ATG10: variants seen among roughly 807,000 people sequenced by gnomAD.
ATG10 encodes the protein autophagy related 10, also known as ubiquitin-like-conjugating enzyme ATG10.
In ATG10, 30 loss-of-function variants were observed where a neutral mutation model predicts 32.1. The ratio of observed to expected loss-of-function variants is 0.94; its 90% CI spans 0.70 to 1.27. The LOEUF (loss-of-function observed/expected upper bound fraction) is 1.27, where lower values mean the gene tolerates loss of function less well. Among genes scored for constraint, ATG10 ranks in the 50% most tolerant of loss-of-function variants. ATG10 has a pLI of 0.00. For missense variants in ATG10, 233 were observed against 262.3 expected (o/e 0.89, Z 0.77); for synonymous variants, 87 against 91.5 (o/e 0.95, Z 0.28).
intron 2 of ATG10, among the ~76,000 whole-genome samples, chr5:82,017,764 A>T (rs1762329142): frequency 6.6e-6 from 1 of 152,112 alleles, no homozygotes; most frequent in Admixed American, 6.6e-5. Context: ...CTCACAGGTA[A>T]ATTATTTGAT....
intron 3 of ATG10, among the ~76,000 whole-genome samples, chr5:82,075,936 A>G (rs12108833): frequency 0.19 from 29,421 of 152,086 alleles, 3,220 homozygotes; most frequent in Middle Eastern, 0.29. Context: ...CTCCATGTCC[A>G]ACAATAACAA....
At chr5:82,170,762 A>G (rs958927699) in intron 4 of ATG10, among the ~76,000 whole-genome samples, 2 of 152,082 alleles carry the variant, frequency 1.3e-5, no homozygotes, top group African/African-American at 4.8e-5. Context: ...CCTGGCCAAC[A>G]TGGTGAAACC....
chr5:82,048,344 C>A (rs1165133926), intron 2 of ATG10, among the ~76,000 whole-genome samples: 1 of 146,928 alleles, frequency 6.8e-6, no homozygotes, highest in Non-Finnish European at 1.5e-5. Context: ...TTCTTCCTAC[C>A]CATGAGCATG....
At position 82,180,399 on chromosome 5, in the gene ATG10, C is replaced by G. The variant is rs370869576; in HGVS notation, c.453+1812C>G. Among the ~76,000 whole-genome samples the G allele has an allele frequency of 3.7e-4, 56 of 152,260 alleles. No homozygotes were observed. In the South Asian group the frequency reaches 0.012, roughly 32 times the overall value. On this transcript the variant is annotated intron_variant, in intron 5 of 7. Coordinates refer to ENST00000282185, the MANE Select transcript of ATG10 (RefSeq NM_031482.5). ...AAACCACTTCAACTCACAAAAATTG[C>G]CCCTCTGAAATCCAAATCTGTAGAC...
intron 2 of ATG10, among the ~76,000 whole-genome samples, chr5:82,056,713 GT>G (rs1223995903): frequency 2.0e-5 from 3 of 152,156 alleles, no homozygotes; most frequent in Non-Finnish European, 4.4e-5. Flanking sequence ...GCTGTAATTA[GT>G]GTAACAGTAG....
chr5:82,162,555 A>G (rs1439948601), intron 3 of ATG10, among the ~76,000 whole-genome samples: 1 of 152,178 alleles, frequency 6.6e-6, no homozygotes, highest in East Asian at 1.9e-4. Flanking sequence ...TCTGCACCAT[A>G]GAAAAAATAG....
At chr5:82,210,363 G>A (rs1033344642) in intron 5 of ATG10, among the ~76,000 whole-genome samples, 3 of 152,186 alleles carry the variant, frequency 2.0e-5, no homozygotes, top group Non-Finnish European at 4.4e-5. Flanking sequence ...GCCAAGGATT[G>A]AGATGTTTCC....
At chr5:82,178,030 C>T (rs187633180) in intron 4 of ATG10, among the ~76,000 whole-genome samples, 13 of 152,154 alleles carry the variant, frequency 8.5e-5, no homozygotes, top group South Asian at 2.1e-4. Context: ...TCCATGGTAC[C>T]TGATGGAGTG....
chr5:82,007,780 A>C (rs1251683889), intron 2 of ATG10, among the ~76,000 whole-genome samples: 1 of 152,076 alleles, frequency 6.6e-6, no homozygotes, highest in Middle Eastern at 3.2e-3. Context: ...AAATACAATT[A>C]CTTTACTTTG....
intron 5 of ATG10, among the ~76,000 whole-genome samples, chr5:82,221,333 T>G (rs1561364668): frequency 6.6e-6 from 1 of 152,188 alleles, no homozygotes; most frequent in Non-Finnish European, 1.5e-5. Flanking sequence ...TGTTTTGTTT[T>G]GGGAAACATT....
rs1181606605 is a variant in ATG10 at position 82,084,283 on chromosome 5, A to G, written c.216+25681A>G. Among the ~76,000 whole-genome samples, 10 of 152,178 alleles carry G rather than the reference A, an allele frequency of 6.6e-5. 1 individual carries two copies. The highest frequency in any genetic ancestry group is 6.5e-4 in the Admixed American group (10 of 15,274). On this transcript the variant is annotated intron_variant, in intron 3 of 7. Transcript: ENST00000282185. ...GAAGCAAGAAGAGAAGTTTAGAGTAAAAAGAGTAAAAAGAAACAAACAAAG... is the reference window on the plus strand; with the variant it reads ...GAAGCAAGAAGAGAAGTTTAGAGTAGAAAGAGTAAAAAGAAACAAACAAAG...
rs556441613 is a variant in ATG10 at position 82,015,611 on chromosome 5, G to C, written c.108+27933G>C. 4.7e-4 allele frequency among the ~76,000 whole-genome samples: 72 copies of C among 152,166 alleles called. 1 individual carries two copies. The South Asian group carries it at 0.012, about 26-fold the overall frequency. On this transcript the variant is annotated intron_variant, in intron 2 of 7. Coordinates refer to ENST00000282185, the MANE Select transcript of ATG10 (RefSeq NM_031482.5). ...ATCACTGATACCCTTTCTTCCAGTT[G>C]ATCGAATCAGCTACTGAAGCTTGTG...
chr5:81,994,582 G>C (rs1425918209), intron 2 of ATG10, among the ~76,000 whole-genome samples: 3 of 152,180 alleles, frequency 2.0e-5, no homozygotes, highest in Non-Finnish European at 1.5e-5. Flanking sequence ...GGATCCAAAT[G>C]CAATTCTGAG....
At chr5:82,142,008 T>C (rs1767171674) in intron 3 of ATG10, among the ~76,000 whole-genome samples, 1 of 152,236 alleles carries the variant, frequency 6.6e-6, no homozygotes, top group African/African-American at 2.4e-5. Flanking sequence ...TTTTAATGCC[T>C]TGACTTACAA....
intron 2 of ATG10, among the ~76,000 whole-genome samples, chr5:81,987,973 T>A (rs1431296790): frequency 1.3e-5 from 2 of 152,194 alleles, no homozygotes. Context: ...AAACAGATGT[T>A]TCTGTGGTGC....
chr5:82,171,908 A>C (rs1425412683), intron 4 of ATG10, among the ~76,000 whole-genome samples: 2 of 152,198 alleles, frequency 1.3e-5, no homozygotes, highest in Non-Finnish European at 1.5e-5. Flanking sequence ...GAGATGGATA[A>C]TACCATCAAG....
chr5:82,224,638 C>T (rs1746049444), intron 5 of ATG10, among the ~76,000 whole-genome samples: 1 of 151,926 alleles, frequency 6.6e-6, no homozygotes, highest in Non-Finnish European at 1.5e-5. Context: ...TGAAAGCCCA[C>T]TGTGGAAGTG....
At chr5:82,178,418 G>T in intron 4 of ATG10, 72 bp from the exon 5 acceptor site, 1 of 896,754 alleles carries the variant, frequency 1.1e-6, no homozygotes, top group Non-Finnish European at 1.9e-6. Context: ...TCTTCCAGGA[G>T]TTTTAGATTG....
intron 5 of ATG10, among the ~76,000 whole-genome samples, chr5:82,188,346 GA>G (rs1744532090): frequency 6.6e-6 from 1 of 152,096 alleles, no homozygotes; most frequent in Non-Finnish European, 1.5e-5. Context: ...CACATGCTTT[GA>G]ATGTATACAA....
Sources: gnomAD v4.1 joint callset for allele counts (sites outside exome capture counted in the v4.1 genomes callset) on GRCh38, gnomAD v4.1.1 for gene constraint, MANE v1.5 for transcripts, NCBI Gene and HGNC (gene_info 2026-07-23, HGNC 2026-07-21) for gene names.